The following SLC37A3 variants were observed in gnomAD, a reference collection of about 807,000 sequenced individuals.
SLC37A3 encodes solute carrier family 37 member 3.
In SLC37A3, 51 loss-of-function variants were observed where a neutral mutation model predicts 67.1. The observed-to-expected ratio is 0.76, with a 90% CI of 0.61 to 0.96. SLC37A3 has a LOEUF of 0.96. SLC37A3 is among the 40% of genes least tolerant of loss of function. The probability of loss-of-function intolerance (pLI) is 0.00; values close to 1 mark genes in which losing one functional copy is unlikely to be tolerated. For synonymous variants in SLC37A3, 214 were observed against 231.4 expected (o/e 0.92, Z 0.68); for missense variants, 508 against 603.0 (o/e 0.84, Z 1.65).
Position 140,345,985 on chromosome 7 carries a change from T to A in SLC37A3, c.1025-15A>T. ...CAAAGTTCCACCTTCAAGCAGAGTG[T>A]CGAGCAATCAAAATCACTTCTAATT... On this transcript the variant is annotated splice_polypyrimidine_tract_variant and intron_variant, in intron 10 of 14. Coordinates refer to ENST00000326232, the MANE Select transcript of SLC37A3 (RefSeq NM_207113.3). The A allele has an allele frequency of 6.3e-7, 1 of 1,596,882 alleles. No individual in the cohort carries two copies. Among genetic ancestry groups the A allele is most frequent in the Non-Finnish European group, 8.6e-7 (1 of 1,164,672 alleles).
intron 1 of SLC37A3, among the ~76,000 whole-genome samples, chr7:140,395,452 A>C (rs1348962607): frequency 6.6e-6 from 1 of 151,440 alleles, no homozygotes; most frequent in Non-Finnish European, 1.5e-5. Flanking sequence ...TCACACCTGT[A>C]ATCCCAGCAC....
In SLC37A3 at chr7:140,356,543, A is replaced by G. The variant is rs536994678; in HGVS notation, c.522-779T>C. Among the ~76,000 whole-genome samples the G allele has an allele frequency of 1.5e-3, 222 of 152,014 alleles. 1 individual carries two copies. Among genetic ancestry groups the G allele is most frequent in the African/African-American group, 5.1e-3 (212 of 41,478 alleles). On this transcript the variant is annotated intron_variant, in intron 6 of 14. Coordinates refer to ENST00000326232, the MANE Select transcript of SLC37A3 (RefSeq NM_207113.3). ...CTAAAAATACAAAAATTAGCTGCACATGGTGGCTGCACACCTATAATCCCA... is the reference window on the plus strand; with the variant it reads ...CTAAAAATACAAAAATTAGCTGCACGTGGTGGCTGCACACCTATAATCCCA...
chr7:140,355,275 G>A (rs1796977656), intron 7 of SLC37A3, among the ~76,000 whole-genome samples: 2 of 151,182 alleles, frequency 1.3e-5, no homozygotes, highest in South Asian at 2.1e-4. Flanking sequence ...GAAGCGGTGC[G>A]ACCTTGGCTC....
rs375063192 is a variant in SLC37A3 at position 140,385,330 on chromosome 7, C to A, written c.-70-2734G>T. ...CACAAAATGTAAATAAACTTCCTGT[C>A]TGTAATTCCAGGAAGTTACAAAAAC... On this transcript the variant is annotated intron_variant, in intron 1 of 14. Transcript: ENST00000326232. Among the ~76,000 whole-genome samples, 140 of 152,308 alleles carry A rather than the reference C, an allele frequency of 9.2e-4. 5 individuals are homozygous for A. The South Asian group carries it at 0.022, about 24-fold the overall frequency.
chr7:140,364,509 T>C lies in SLC37A3; in HGVS notation c.292-18A>G. 3 of 1,610,380 alleles carry C rather than the reference T, an allele frequency of 1.9e-6. No individual in the cohort carries two copies. Among genetic ancestry groups the C allele is most frequent in the Non-Finnish European group, 2.5e-6 (3 of 1,177,532 alleles). ...AATAGGCCCTAAAAATAAAGCATTT[T>C]CTTTTACAGCTCTAAATAATAACAC... On this transcript the variant is annotated intron_variant, in intron 4 of 14. Coordinates refer to ENST00000326232, the MANE Select transcript of SLC37A3 (RefSeq NM_207113.3).
rs375204439 is a variant in SLC37A3, at chr7:140,348,459, TTTC to T, written c.1024+164_1024+166del. 2.2e-3 allele frequency: 1,210 copies of T among 560,412 alleles called. 2 individuals are homozygous for T. The highest frequency in any genetic ancestry group is 0.014 in the East Asian group (205 of 14,494). 34.7% of individuals were successfully genotyped at this position (560,412 alleles called of 1,614,324 possible). ...CCTCTTGTTTTTTCTTTTCTTTTCT[TTTC>T]TTTTTTTTTTTTTTTTGAGTTTGGC... is the stretch of plus-strand genomic sequence containing the variant. On this transcript the variant is annotated intron_variant, in intron 10 of 14. Coordinates refer to ENST00000326232, the MANE Select transcript of SLC37A3 (RefSeq NM_207113.3).
intron 4 of SLC37A3, among the ~76,000 whole-genome samples, chr7:140,367,692 T>G (rs1298807149): frequency 6.6e-6 from 1 of 152,114 alleles, no homozygotes; most frequent in East Asian, 1.9e-4. Context: ...TCCAGAACTC[T>G]AATGTGGCAT....
chr7:140,363,384 G>A (rs1317338550), intron 5 of SLC37A3, among the ~76,000 whole-genome samples: 1 of 83,322 alleles, frequency 1.2e-5, no homozygotes, highest in Non-Finnish European at 2.5e-5. Context: ...CTGTTGATCT[G>A]TGACCTTATC....
rs1440921473 is a variant in SLC37A3 at position 140,362,432 on chromosome 7, A to G, written c.375+1976T>C. Reference sequence around the variant, plus strand: ...CGGGAGGGAGGTGGGGGGGGGGGTCAGCCCCCCGCCCGGCCAGCCGCCCCG... The same window carrying G: ...CGGGAGGGAGGTGGGGGGGGGGGTCGGCCCCCCGCCCGGCCAGCCGCCCCG... On this transcript the variant is annotated intron_variant, in intron 5 of 14. Coordinates refer to ENST00000326232, the MANE Select transcript of SLC37A3 (RefSeq NM_207113.3). Among the ~76,000 whole-genome samples, 30 of 110,722 alleles carry G rather than the reference A, an allele frequency of 2.7e-4. 1 individual carries two copies. Among genetic ancestry groups the G allele is most frequent in the Admixed American group, 6.3e-4 (7 of 11,046 alleles). The allele number at this position is 110,722 out of a possible 152,430, so 72.6% of individuals were successfully genotyped here.
At chr7:140,343,675 A>G (rs903907499) in intron 12 of SLC37A3, 112 bp from the exon 13 acceptor site, 25 of 1,057,232 alleles carry the variant, frequency 2.4e-5, no homozygotes, top group African/African-American at 1.3e-4. Flanking sequence ...AGAGAAGTGG[A>G]AAAAAAAGGA....
rs1796209771 is a variant in SLC37A3, at chr7:140,337,988, TC to T, written c.1327-640del. On this transcript the variant is annotated intron_variant, in intron 13 of 14. Coordinates refer to ENST00000326232, the MANE Select transcript of SLC37A3 (RefSeq NM_207113.3). Reference sequence around the variant, plus strand: ...TCACTGCAAGCTCTGCCTCCCAGGTTCACATCATTCTCCTGCCTCAGCCTCC... The same window carrying T: ...TCACTGCAAGCTCTGCCTCCCAGGTTACATCATTCTCCTGCCTCAGCCTCC... Among the ~76,000 whole-genome samples, 4 of 151,926 alleles carry T rather than the reference TC, an allele frequency of 2.6e-5. No individual in the cohort carries two copies. The South Asian group carries it at 8.3e-4, about 32-fold the overall frequency.
chr7:140,352,185 G>A (rs778300860), intron 7 of SLC37A3, 39 bp from the exon 8 acceptor site: 1 of 1,547,736 alleles, frequency 6.5e-7, no homozygotes, highest in African/African-American at 1.4e-5. Context: ...TACATATCTG[G>A]GGACAGTCAT....
Position 140,380,414 on chromosome 7 carries a change from T to A in SLC37A3, c.90-24A>T, listed in dbSNP as rs773128698. ...AACTACAAAATAGAGAGAATACAGA[T>A]GAATGAATAGCAAAGAGAAACAGCA... On this transcript the variant is annotated intron_variant, in intron 2 of 14. Transcript: ENST00000326232. The A allele has an allele frequency of 6.7e-6, 10 of 1,486,016 alleles. No individual in the cohort carries two copies. The African/African-American group carries it at 1.2e-4, about 18-fold the overall frequency. The allele number at this position is 1,486,016 out of a possible 1,614,324, so 92.1% of individuals were successfully genotyped here.
intron 5 of SLC37A3, among the ~76,000 whole-genome samples, chr7:140,359,427 A>C (rs1271694117): frequency 1.3e-5 from 2 of 152,014 alleles, no homozygotes; most frequent in African/African-American, 4.8e-5. Context: ...GGGAACAGCA[A>C]CCTCCAGAGG....
intron 3 of SLC37A3, among the ~76,000 whole-genome samples, chr7:140,374,124 C>A (rs1008092669): frequency 6.6e-6 from 1 of 152,078 alleles, no homozygotes; most frequent in Admixed American, 6.6e-5. Context: ...GCTAGAAAAT[C>A]CTTGAACTAA....
chr7:140,373,378 G>T (rs532528869), intron 3 of SLC37A3, among the ~76,000 whole-genome samples: 17 of 152,232 alleles, frequency 1.1e-4, no homozygotes, highest in African/African-American at 4.1e-4. Flanking sequence ...TCAGATTTGG[G>T]TACTTGGCAT....
chr7:140,363,828 G>A (rs2117168222), intron 5 of SLC37A3, among the ~76,000 whole-genome samples: 2 of 150,380 alleles, frequency 1.3e-5, no homozygotes, highest in Middle Eastern at 7.0e-3. Flanking sequence ...AAGCGATGAA[G>A]CAGAGTGACA....
intron 1 of SLC37A3, among the ~76,000 whole-genome samples, chr7:140,386,395 G>A (rs2129872333): frequency 6.6e-6 from 1 of 151,754 alleles, no homozygotes; most frequent in South Asian, 2.1e-4. Flanking sequence ...TTCACCTGCT[G>A]TGTGCATAAT....
chr7:140,366,837 A>T (rs1008356808), intron 4 of SLC37A3, among the ~76,000 whole-genome samples: 1 of 152,172 alleles, frequency 6.6e-6, no homozygotes, highest in African/African-American at 2.4e-5. Context: ...AGATACTCTT[A>T]ATAATTAACC....
Sources: allele counts gnomAD v4.1 joint callset (sites outside exome capture counted in the v4.1 genomes callset), GRCh38; gene constraint gnomAD v4.1.1; transcripts MANE v1.5; gene names NCBI Gene and HGNC (gene_info 2026-07-23, HGNC 2026-07-21).